Variants in PLCG2 observed in about 807,000 individuals in gnomAD.
PLCG2 encodes the protein phospholipase C gamma 2, also known as 1-phosphatidylinositol 4,5-bisphosphate phosphodiesterase gamma-2.
Under a neutral mutation model 175.6 loss-of-function variants are expected in PLCG2, and 69 were observed. The ratio of observed to expected loss-of-function variants is 0.39; its 90% CI spans 0.32 to 0.48. The LOEUF is 0.48. Among genes scored for constraint, PLCG2 ranks in the 20% least tolerant of loss-of-function variants. The probability of loss-of-function intolerance (pLI) is 0.91; values close to 1 mark genes in which losing one functional copy is unlikely to be tolerated. For synonymous variants in PLCG2, 827 were observed against 624.0 expected (o/e 1.33, Z -4.85); for missense variants, 1,798 against 1,650.9 (o/e 1.09, Z -1.54).
At chr16:81,822,687 G>A (rs757966685) in intron 2 of PLCG2, among the ~76,000 whole-genome samples, 3 of 132,272 alleles carry the variant, frequency 2.3e-5, no homozygotes, top group Non-Finnish European at 4.6e-5. Context: ...AACCCGGGAG[G>A]TGAAGGTTGT....
intron 5 of PLCG2, among the ~76,000 whole-genome samples, chr16:81,867,015 G>A (rs977792936): frequency 6.6e-6 from 1 of 152,246 alleles, no homozygotes; most frequent in African/African-American, 2.4e-5. Flanking sequence ...AGGTCTGTCT[G>A]TGAAAGCCGT....
At chr16:81,773,975 T>G (rs1464899892) in intron 2 of PLCG2, among the ~76,000 whole-genome samples, 4 of 151,666 alleles carry the variant, frequency 2.6e-5, no homozygotes, top group Non-Finnish European at 4.4e-5. Context: ...TTGCAGGCAC[T>G]CCGCAAATGT....
At chr16:81,879,809 G>A (rs998208855) in intron 7 of PLCG2, among the ~76,000 whole-genome samples, 1 of 152,192 alleles carries the variant, frequency 6.6e-6, no homozygotes, top group Non-Finnish European at 1.5e-5. Context: ...AAGCTGGAGG[G>A]AGGGGTGCTC....
chr16:81,913,599 T>C (rs1909724079), intron 19 of PLCG2, among the ~76,000 whole-genome samples: 1 of 152,292 alleles, frequency 6.6e-6, no homozygotes, highest in South Asian at 2.1e-4. Context: ...TGGGCGTCTT[T>C]TGTACACTGA....
chr16:81,759,610 C>T (rs1909996628), intron 2 of PLCG2, among the ~76,000 whole-genome samples: 1 of 152,180 alleles, frequency 6.6e-6, no homozygotes, highest in South Asian at 2.1e-4. Flanking sequence ...TCTGATCTGT[C>T]TTGAGACCCC....
chr16:81,861,766 G>T (rs1038793859), intron 5 of PLCG2, among the ~76,000 whole-genome samples: 3 of 152,238 alleles, frequency 2.0e-5, no homozygotes, highest in African/African-American at 7.2e-5. Flanking sequence ...TCCACGCGGT[G>T]CTGGTATGGT....
intron 1 of PLCG2, among the ~76,000 whole-genome samples, chr16:81,746,866 G>A (rs769406104): frequency 1.8e-4 from 28 of 152,174 alleles, no homozygotes; most frequent in Non-Finnish European, 5.9e-5. Flanking sequence ...GTAACCAGGA[G>A]TATGAATTCT....
At chr16:81,788,792 C>T (rs1431791442) in intron 2 of PLCG2, among the ~76,000 whole-genome samples, 1 of 152,198 alleles carries the variant, frequency 6.6e-6, no homozygotes, top group Non-Finnish European at 1.5e-5. Flanking sequence ...TTTGGAACTG[C>T]CCATGTGGAG....
chr16:81,842,567 T>C (rs1361060822), intron 2 of PLCG2, among the ~76,000 whole-genome samples: 1 of 152,154 alleles, frequency 6.6e-6, no homozygotes. Flanking sequence ...CGCTTGAATA[T>C]GTCTTGAGCT....
intron 2 of PLCG2, among the ~76,000 whole-genome samples, chr16:81,760,845 A>G (rs1451342658): frequency 6.6e-6 from 1 of 151,928 alleles, no homozygotes; most frequent in Non-Finnish European, 1.5e-5. Flanking sequence ...CAGGAGGCTC[A>G]TCTCTGGCTA....
At chr16:81,794,373 C>T (rs559903657) in intron 2 of PLCG2, among the ~76,000 whole-genome samples, 51 of 152,224 alleles carry the variant, frequency 3.4e-4, no homozygotes, top group African/African-American at 1.2e-3. Flanking sequence ...ATTATTTTCT[C>T]GCTGGCATCT....
intron 2 of PLCG2, among the ~76,000 whole-genome samples, chr16:81,801,092 C>A (rs1029880019): frequency 5.3e-5 from 8 of 152,296 alleles, no homozygotes; most frequent in African/African-American, 1.7e-4. Context: ...ATGACTTTTG[C>A]TCGTCTCCAG....
intron 2 of PLCG2, among the ~76,000 whole-genome samples, chr16:81,791,332 A>G (rs992497689): frequency 7.9e-5 from 12 of 152,022 alleles, no homozygotes; most frequent in Admixed American, 5.2e-4. Context: ...GATTTGCTAG[A>G]TGGTTAGCAG....
Position 81,961,373 on chromosome 16 carries a change from T to A in PLCG2, c.*3375T>A, listed in dbSNP as rs1016276282. 1.3e-5 allele frequency: 3 copies of A among 226,482 alleles called. No homozygotes were observed. Among genetic ancestry groups the A allele is most frequent in the Non-Finnish European group, 1.8e-5 (2 of 113,896 alleles). The allele number at this position is 226,482 out of a possible 1,614,324, so 14.0% of individuals were successfully genotyped here. A position where few individuals can be genotyped will look rare whatever the true frequency, so the allele number is the denominator to read the frequency against. ...GAAAAGCCCTCTTTATCTCATTAAG[T>A]GATACATTTCCAAAGAAGTTTTACT... On this transcript the variant is annotated 3_prime_UTR_variant, in exon 33 of 33. Transcript: ENST00000564138.
At chr16:81,838,928 G>C (rs1905676171) in intron 2 of PLCG2, among the ~76,000 whole-genome samples, 1 of 151,914 alleles carries the variant, frequency 6.6e-6, no homozygotes, top group Non-Finnish European at 1.5e-5. Context: ...CTCTTTAGGT[G>C]ACACCACTCT....
chr16:81,828,835 T>G (rs1200128549), intron 2 of PLCG2, among the ~76,000 whole-genome samples: 1 of 152,154 alleles, frequency 6.6e-6, no homozygotes, highest in African/African-American at 2.4e-5. Context: ...TTATTTCCCC[T>G]TAACTTGCAT....
intron 2 of PLCG2, among the ~76,000 whole-genome samples, chr16:81,824,607 A>G (rs1198257018): frequency 6.6e-6 from 1 of 152,180 alleles, no homozygotes; most frequent in Non-Finnish European, 1.5e-5. Context: ...CTGGTGAGAT[A>G]ACGGGGTGTG....
At chr16:81,769,712 T>G (rs575414887) in intron 2 of PLCG2, among the ~76,000 whole-genome samples, 9 of 146,480 alleles carry the variant, frequency 6.1e-5, no homozygotes, top group Admixed American at 2.8e-4. Context: ...CCCAGCTACT[T>G]GGGAGGCTGA....
intron 26 of PLCG2, among the ~76,000 whole-genome samples, chr16:81,935,121 C>T (rs537557316): frequency 6.6e-6 from 1 of 152,298 alleles, no homozygotes; most frequent in South Asian, 2.1e-4. Flanking sequence ...TTGCACAGTC[C>T]TGGAGGCCAG....
Sources: gnomAD v4.1 joint callset for allele counts (sites outside exome capture counted in the v4.1 genomes callset) on GRCh38, gnomAD v4.1.1 for gene constraint, MANE v1.5 for transcripts, NCBI Gene and HGNC (gene_info 2026-07-23, HGNC 2026-07-21) for gene names.